BRAF: variants seen among roughly 807,000 people sequenced by gnomAD.
BRAF encodes the protein B-Raf proto-oncogene, serine/threonine kinase, also known as serine/threonine-protein kinase B-raf.
A neutral mutation model predicts 104.6 loss-of-function variants in BRAF; 16 were observed. The ratio of observed to expected loss-of-function variants is 0.15; its 90% CI spans 0.10 to 0.23. The LOEUF (loss-of-function observed/expected upper bound fraction) is 0.23. BRAF is among the 10% of genes least tolerant of loss of function. The pLI is 1.00. For synonymous variants in BRAF, 310 were observed against 341.6 expected (o/e 0.91, Z 1.02); for missense variants, 541 against 937.3 (o/e 0.58, Z 5.52).
At chr7:140,850,812 C>T (rs1030387835) in intron 1 of BRAF, among the ~76,000 whole-genome samples, 3 of 152,136 alleles carry the variant, frequency 2.0e-5, no homozygotes, top group Non-Finnish European at 4.4e-5. Flanking sequence ...AAGAGAATTT[C>T]CAGATCCTCA....
chr7:140,837,532 G>A (rs1184276705), intron 2 of BRAF, among the ~76,000 whole-genome samples: 1 of 152,156 alleles, frequency 6.6e-6, no homozygotes, highest in Non-Finnish European at 1.5e-5. Flanking sequence ...TTATCAACTA[G>A]CTTGCCAGAT....
At chr7:140,851,129 C>A (rs1420458538) in intron 1 of BRAF, among the ~76,000 whole-genome samples, 1 of 152,046 alleles carries the variant, frequency 6.6e-6, no homozygotes, top group Admixed American at 6.6e-5. Flanking sequence ...AGACTAGAAT[C>A]CAGAAGTTTA....
Position 140,810,860 on chromosome 7 carries a change from T to C in BRAF, c.505-1865A>G, listed in dbSNP as rs370917790. ...AACAGTGAAGCTTTCTCTTGCCTTC[T>C]TGTTTCAATTTTCATACTATAAACA... On this transcript the variant is annotated intron_variant, in intron 3 of 19. Coordinates refer to ENST00000644969, the MANE Select transcript of BRAF (RefSeq NM_001374258.1). 7.9e-5 allele frequency among the ~76,000 whole-genome samples: 12 copies of C among 152,252 alleles called. No individual in the cohort carries two copies. The East Asian group carries it at 1.9e-3, about 24-fold the overall frequency.
chr7:140,870,998 C>T (rs936440878), intron 1 of BRAF, among the ~76,000 whole-genome samples: 47 of 151,624 alleles, frequency 3.1e-4, no homozygotes, highest in Admixed American at 3.0e-3. Context: ...GAGGCTGAGG[C>T]GGGCAGACCA....
At chr7:140,918,196 C>A (rs1817824847) in intron 1 of BRAF, among the ~76,000 whole-genome samples, 1 of 152,140 alleles carries the variant, frequency 6.6e-6, no homozygotes, top group African/African-American at 2.4e-5. Flanking sequence ...TGAAGAACTT[C>A]AATAGTTATG....
At chr7:140,771,060 A>C (rs1341548196) in intron 14 of BRAF, among the ~76,000 whole-genome samples, 1 of 152,194 alleles carries the variant, frequency 6.6e-6, no homozygotes, top group Non-Finnish European at 1.5e-5. Context: ...CCTAGGAATC[A>C]GAAATAGTTT....
intron 3 of BRAF, among the ~76,000 whole-genome samples, chr7:140,811,763 G>A (rs958344146): frequency 6.6e-6 from 1 of 152,154 alleles, no homozygotes. Flanking sequence ...AAACAACCTA[G>A]AGGCCAATAT....
chr7:140,805,605 C>T (rs1803580978), intron 5 of BRAF, among the ~76,000 whole-genome samples: 1 of 151,932 alleles, frequency 6.6e-6, no homozygotes, highest in Non-Finnish European at 1.5e-5. Flanking sequence ...TAGTGAGAGG[C>T]ACAGTCAAGG....
intron 5 of BRAF, among the ~76,000 whole-genome samples, chr7:140,802,796 T>C (rs1803268388): frequency 6.6e-6 from 1 of 152,184 alleles, no homozygotes; most frequent in Non-Finnish European, 1.5e-5. Flanking sequence ...TTTTACTTTA[T>C]AAACTTTTTA....
chr7:140,840,896 G>A (rs892508218), intron 2 of BRAF, among the ~76,000 whole-genome samples: 3 of 151,526 alleles, frequency 2.0e-5, no homozygotes, highest in Non-Finnish European at 2.9e-5. Flanking sequence ...TGTATTTTTT[G>A]TAGAGACGGG....
chr7:140,734,797 G>GAAAAAAAAAAAAAAA (rs60814637), intron 18 of BRAF, 27 bp from the exon 18 acceptor site: 16 of 1,130,024 alleles, frequency 1.4e-5, no homozygotes, highest in African/African-American at 8.4e-5. Flanking sequence ...AAAAAAAAAA[G>GAAAAAAAAAAAAAAA]AAAAAAAAAG....
chr7:140,759,685 CCT>C (rs1798508489), intron 14 of BRAF, among the ~76,000 whole-genome samples: 1 of 152,322 alleles, frequency 6.6e-6, no homozygotes, highest in African/African-American at 2.4e-5. Flanking sequence ...CACACCCGGC[CCT>C]GATTACAGGT....
chr7:140,840,164 C>G (rs949104875), intron 2 of BRAF, among the ~76,000 whole-genome samples: 5 of 152,170 alleles, frequency 3.3e-5, no homozygotes, highest in Non-Finnish European at 7.3e-5. Flanking sequence ...AGACTTTGCT[C>G]TTACTAATTG....
chr7:140,806,055 A>T (rs552484764), intron 5 of BRAF, among the ~76,000 whole-genome samples: 1 of 152,028 alleles, frequency 6.6e-6, no homozygotes, highest in East Asian at 1.9e-4. Context: ...TCTACCCACA[A>T]CTCTTATTCT....
Position 140,753,309 on chromosome 7 carries a change from T to C in BRAF, c.1946A>G (p.Gln649Arg). 1.2e-6 allele frequency: 2 copies of C among 1,612,456 alleles called. No homozygotes were observed. The highest frequency in any genetic ancestry group is 1.1e-5 in the South Asian group (1 of 91,056). The stretch of plus-strand genomic sequence containing the variant: ...AATGGATCCAGACAACTGTTCAAAC[T>C]GATGGGACCCACTCCATCGAGATTT... Reference protein sequence around the residue: ...TVKSRWSGSHQFEQLSGSILW... With the variant: ...TVKSRWSGSHRFEQLSGSILW... The change falls in exon 16 of 20, where the codon CAG becomes CGG. Residue 649 changes from glutamine to arginine, a missense_variant. Coordinates refer to ENST00000644969, the MANE Select transcript of BRAF (RefSeq NM_001374258.1).
intron 14 of BRAF, among the ~76,000 whole-genome samples, chr7:140,765,160 C>G (rs1335910471): frequency 6.6e-6 from 1 of 152,240 alleles, no homozygotes; most frequent in East Asian, 1.9e-4. Flanking sequence ...CTACAACTAT[C>G]TGATCTTTGA....
chr7:140,778,207 T>G, intron 12 of BRAF, 132 bp from the exon 12 acceptor site: 2 of 819,232 alleles, frequency 2.4e-6, no homozygotes, highest in Admixed American at 2.1e-5. Flanking sequence ...TAAATTATAC[T>G]TTAGCTATCT....
chr7:140,826,499 T>C (rs1806064473), intron 3 of BRAF, among the ~76,000 whole-genome samples: 1 of 152,208 alleles, frequency 6.6e-6, no homozygotes, highest in Non-Finnish European at 1.5e-5. Context: ...CCATTTGAAG[T>C]TAAGTTTCCA....
chr7:140,866,997 A>T (rs1359116737), intron 1 of BRAF, among the ~76,000 whole-genome samples: 1 of 152,170 alleles, frequency 6.6e-6, no homozygotes, highest in Non-Finnish European at 1.5e-5. Context: ...GTTTTCAAAG[A>T]TTTTGCAACT....
Sources: allele counts gnomAD v4.1 joint callset (sites outside exome capture counted in the v4.1 genomes callset), GRCh38; gene constraint gnomAD v4.1.1; transcripts MANE v1.5; gene names NCBI Gene and HGNC (gene_info 2026-07-23, HGNC 2026-07-21).